DHRS7C: variants seen among roughly 807,000 people sequenced by gnomAD.
DHRS7C encodes dehydrogenase/reductase 7C, also known as dehydrogenase/reductase SDR family member 7C.
Under a neutral mutation model 29.6 loss-of-function variants are expected in DHRS7C, and 28 were observed. The ratio of observed to expected loss-of-function variants is 0.95; its 90% CI spans 0.70 to 1.30. The LOEUF (loss-of-function observed/expected upper bound fraction) is 1.30. DHRS7C is among the 50% of genes most tolerant of loss of function. The pLI, the probability that DHRS7C is intolerant of heterozygous loss-of-function variation, is 0.00. For missense variants in DHRS7C, 403 were observed against 393.3 expected, an observed-to-expected ratio of 1.02 and a Z score of -0.21; for synonymous variants, 158 against 160.2, an observed-to-expected ratio of 0.99 and a Z score of 0.10.
chr17:9,779,911 A>C lies in DHRS7C; in HGVS notation c.392T>G (p.Val131Gly). The C allele has an allele frequency of 6.2e-7, 1 of 1,613,894 alleles. No homozygotes were observed. The change falls in exon 3 of 6, where the codon GTG (valine) becomes GGG (glycine). Residue 131 changes from valine (V) to glycine (G), a missense_variant. By Grantham distance (109) the Val-to-Gly change is moderately radical. Coordinates refer to ENST00000571134, the MANE Select transcript of DHRS7C (RefSeq NM_001105571.3). ...DILINNASVK[V>G]KGPAHKISLE... ...AGAAATCTTATGGGCAGGCCCCTTC[A>C]CCTTCACACTGGCATTGTTGATGAG...
intron 1 of DHRS7C, among the ~76,000 whole-genome samples, chr17:9,786,297 A>G (rs2152018458): frequency 6.6e-6 from 1 of 151,092 alleles, no homozygotes; most frequent in Non-Finnish European, 1.5e-5. Flanking sequence ...ACTGCACTCC[A>G]GCTTGGGCAA....
rs750405669 is a variant in DHRS7C at position 9,781,589 on chromosome 17, C to T, written c.160G>A (p.Ala54Thr). 1 of 1,613,738 alleles carries T rather than the reference C, an allele frequency of 6.2e-7. No individual in the cohort carries two copies. The highest frequency in any genetic ancestry group is 1.1e-5 in the South Asian group (1 of 91,072). ...DAISGLGKECARVFHTGGARL... is the reference protein window; with the variant it reads ...DAISGLGKECTRVFHTGGARL... ...GCCCCACCTGTGTGGAACACCCGAG[C>T]ACACTCTGTGGGGAAGAAGGAAACA... Residue 54 changes from alanine (A) to threonine (T), a missense_variant, in exon 2 of 6, where the codon GCT becomes ACT. Coordinates refer to ENST00000571134, the MANE Select transcript of DHRS7C (RefSeq NM_001105571.3).
chr17:9,772,831 C>T lies in DHRS7C; in HGVS notation c.663G>A (p.Pro221=), dbSNP rs2280489. The T allele has an allele frequency of 0.11, 179,510 of 1,613,656 alleles. 10,240 individuals carry two copies. The highest frequency in any genetic ancestry group is 0.13 in the East Asian group (5,860 of 44,852). Residue 221 remains proline, a synonymous_variant, in exon 5 of 6, where the codon CCG becomes CCA. Coordinates refer to ENST00000571134, the MANE Select transcript of DHRS7C (RefSeq NM_001105571.3). ...EYDVVISTVS[P]TFIRSYHVYP... ...ACACGTGGTACGACCGGATGAAAGT[C>T]GGGCTCACGGTGCTGATGACAACAT...
chr17:9,774,365 A>G lies in DHRS7C; in HGVS notation c.572-1443T>C, dbSNP rs532763608. Reference sequence around the variant, plus strand: ...AGTGGCTCAATCTCAGCTCACTGCAATCTCTGCCTCCCGGGCTCAAGCAAT... The same window carrying G: ...AGTGGCTCAATCTCAGCTCACTGCAGTCTCTGCCTCCCGGGCTCAAGCAAT... On this transcript the variant is annotated intron_variant, in intron 4 of 5. Transcript: ENST00000571134. This position sits in a 1 kb window ranked among gnomAD's most constrained non-coding sequence, Gnocchi z 5.0. Among the ~76,000 whole-genome samples, 71 of 152,186 alleles carry G rather than the reference A, an allele frequency of 4.7e-4. 1 individual carries two copies. The highest frequency in any genetic ancestry group is 1.7e-3 in the African/African-American group (69 of 41,538).
At chr17:9,777,367 C>T (rs1015478007) in intron 3 of DHRS7C, 82 bp from the exon 4 acceptor site, 23 of 1,150,366 alleles carry the variant, frequency 2.0e-5, no homozygotes, top group Non-Finnish European at 2.6e-5. Context: ...GCCCCCGGTA[C>T]CCTCATCACA....
chr17:9,776,259 G>A (rs2066361998), intron 4 of DHRS7C, among the ~76,000 whole-genome samples: 1 of 152,128 alleles, frequency 6.6e-6, no homozygotes, highest in African/African-American at 2.4e-5. Flanking sequence ...CAACAGACAT[G>A]CACGTGCACA....
chr17:9,787,365 T>G (rs1417122460), intron 1 of DHRS7C, among the ~76,000 whole-genome samples: 1 of 152,036 alleles, frequency 6.6e-6, no homozygotes, highest in Non-Finnish European at 1.5e-5. Flanking sequence ...TCCCCATCAC[T>G]CCATTTCCCT....
At chr17:9,787,057 C>A (rs541787251) in intron 1 of DHRS7C, among the ~76,000 whole-genome samples, 3 of 151,964 alleles carry the variant, frequency 2.0e-5, no homozygotes, top group Non-Finnish European at 4.4e-5. Flanking sequence ...GTGATTCTCC[C>A]GCCTCAGCCT....
chr17:9,777,566 T>G (rs1266874428), intron 3 of DHRS7C, among the ~76,000 whole-genome samples: 1 of 152,132 alleles, frequency 6.6e-6, no homozygotes, highest in East Asian at 1.9e-4. Context: ...ATATTTATAT[T>G]TATTTTATTT....
At chr17:9,786,311 G>A (rs1263510696) in intron 1 of DHRS7C, among the ~76,000 whole-genome samples, 1 of 148,118 alleles carries the variant, frequency 6.8e-6, no homozygotes, top group East Asian at 2.0e-4. Context: ...TGGGCAACAA[G>A]AGCAAAACTC....
chr17:9,782,387 T>A (rs924901299), intron 1 of DHRS7C, among the ~76,000 whole-genome samples: 1 of 152,174 alleles, frequency 6.6e-6, no homozygotes, highest in Non-Finnish European at 1.5e-5. Flanking sequence ...AGACAGCCTA[T>A]CGGGGAGTGA....
intron 5 of DHRS7C, 101 bp downstream of exon 5, chr17:9,772,666 T>G: frequency 6.9e-7 from 1 of 1,440,046 alleles, no homozygotes; most frequent in Non-Finnish European, 9.3e-7. Flanking sequence ...ATCCCCAGAC[T>G]CATGTTTCAG....
At chr17:9,782,293 A>G (rs1318901148) in intron 1 of DHRS7C, among the ~76,000 whole-genome samples, 3 of 152,234 alleles carry the variant, frequency 2.0e-5, no homozygotes, top group Non-Finnish European at 4.4e-5. Flanking sequence ...CTTATGAGAC[A>G]GTATCTTTAG....
chr17:9,782,475 G>A (rs777059218), intron 1 of DHRS7C, among the ~76,000 whole-genome samples: 1 of 152,160 alleles, frequency 6.6e-6, no homozygotes, highest in Admixed American at 6.5e-5. Flanking sequence ...AGACTCTGGA[G>A]TCTAAACTCC....
At position 9,775,737 on chromosome 17, in the gene DHRS7C, C is replaced by T. The variant is rs77083290; in HGVS notation, c.571+1456G>A. ...AAAGGAAGGTAAAACACTACTAGAG[C>T]GGGTGTTATGGGTTGAATTCTGTTA... On this transcript the variant is annotated intron_variant, in intron 4 of 5. Transcript: ENST00000571134. This position sits in a 1 kb window ranked among gnomAD's most constrained non-coding sequence, Gnocchi z 4.2. Among the ~76,000 whole-genome samples, 3 of 152,022 alleles carry T rather than the reference C, an allele frequency of 2.0e-5. No individual in the cohort carries two copies. Among genetic ancestry groups the T allele is most frequent in the South Asian group, 2.1e-4 (1 of 4,828 alleles).
chr17:9,780,894 G>A (rs1160399972), intron 2 of DHRS7C, among the ~76,000 whole-genome samples: 1 of 152,184 alleles, frequency 6.6e-6, no homozygotes, highest in Non-Finnish European at 1.5e-5. Flanking sequence ...ACACTTTGGG[G>A]CATTCTGTGT....
chr17:9,789,351 A>G (rs1206017090), intron 1 of DHRS7C, among the ~76,000 whole-genome samples: 1 of 152,236 alleles, frequency 6.6e-6, no homozygotes, highest in Non-Finnish European at 1.5e-5. Context: ...GCAATAAAAC[A>G]AATTTGCAAG....
intron 1 of DHRS7C, 74 bp downstream of exon 1, chr17:9,791,057 C>CCGCCCTG: frequency 6.6e-7 from 1 of 1,518,984 alleles, no homozygotes; most frequent in Non-Finnish European, 8.9e-7. Context: ...CAGCGCCCTG[C>CCGCCCTG]CGCCCTGCCA....
Position 9,779,834 on chromosome 17 carries a change from A to T in DHRS7C, c.469T>A (p.Leu157Met). 1 of 1,612,502 alleles carries T rather than the reference A, an allele frequency of 6.2e-7. No individual in the cohort carries two copies. The highest frequency in any genetic ancestry group is 8.5e-7 in the Non-Finnish European group (1 of 1,179,286). The change falls in exon 3 of 6, where the codon TTG (leucine) becomes ATG (methionine). Residue 157 changes from leucine to methionine, a missense_variant. By Grantham distance (15) the Leu-to-Met change is conservative (BLOSUM62 2). Transcript: ENST00000571134. Reference sequence around the variant, plus strand: ...GTCAAACTCACGAGACCTTTCGTCAATGTGATGGGGCCAAAGTAATTGGCA... The same window carrying T: ...GTCAAACTCACGAGACCTTTCGTCATTGTGATGGGGCCAAAGTAATTGGCA... ...MDANYFGPITLTKALLPNMIS... is the reference protein window; with the variant it reads ...MDANYFGPITMTKALLPNMIS...
Sources: allele counts gnomAD v4.1 joint callset (sites outside exome capture counted in the v4.1 genomes callset), GRCh38; gene constraint gnomAD v4.1.1; non-coding constraint Gnocchi (gnomAD v3.1); transcripts MANE v1.5; gene names NCBI Gene and HGNC (gene_info 2026-07-23, HGNC 2026-07-21).